The following TPRG1 variants were observed in gnomAD, a reference collection of about 807,000 sequenced individuals.
TPRG1 encodes tumor protein p63 regulated 1.
In TPRG1, 29 loss-of-function variants were observed where a neutral mutation model predicts 29.3. The observed-to-expected ratio is 0.99, with a 90% confidence interval of 0.74 to 1.35. TPRG1 has a LOEUF of 1.35. Among genes scored for constraint, TPRG1 ranks in the 40% most tolerant of loss-of-function variants. The pLI, the probability that TPRG1 is intolerant of heterozygous loss-of-function variation, is 0.00. For synonymous variants in TPRG1, 130 were observed against 116.8 expected (o/e 1.11, Z -0.73); for missense variants, 327 against 335.0 (o/e 0.98, Z 0.19).
intron 4 of TPRG1, among the ~76,000 whole-genome samples, chr3:189,044,277 G>A (rs1166230552): frequency 5.3e-5 from 8 of 152,186 alleles, no homozygotes; most frequent in East Asian, 3.9e-4. Flanking sequence ...AAATGTGGCC[G>A]GGTACGGTGG....
chr3:189,020,279 G>C (rs1713223490), intron 3 of TPRG1, among the ~76,000 whole-genome samples: 1 of 150,974 alleles, frequency 6.6e-6, no homozygotes, highest in South Asian at 2.1e-4. Context: ...GCTAGCTTTT[G>C]AATGTGTTTG....
intron 4 of TPRG1, among the ~76,000 whole-genome samples, chr3:189,242,438 T>C (rs1740761809): frequency 1.3e-5 from 2 of 152,200 alleles, no homozygotes; most frequent in Non-Finnish European, 2.9e-5. Context: ...TTTTCAAATA[T>C]TAAGTCAGTT....
rs550366182 is a variant in TPRG1 at position 189,184,419 on chromosome 3, A to G, written c.-10+12288A>G. On this transcript the variant is annotated intron_variant, in intron 1 of 5. Transcript: ENST00000345063. Reference sequence around the variant, plus strand: ...GAAACAACACTGATAGCATAACTCCATTGTTTAAGTAGAAAAATGATATTA... The same window carrying G: ...GAAACAACACTGATAGCATAACTCCGTTGTTTAAGTAGAAAAATGATATTA... Among the ~76,000 whole-genome samples the G allele has an allele frequency of 2.6e-5, 4 of 152,326 alleles. No homozygotes were observed. The South Asian group carries it at 8.3e-4, about 32-fold the overall frequency.
At position 189,243,420 on chromosome 3, in the gene TPRG1, A is replaced by AC. The variant is rs1437338500; in HGVS notation, c.479+4517dup. ...AGGCCTCAGGACCTGTGATGGGAGG[A>AC]CCCCCCAAGGAGGTCTCTAAAATGC... is the stretch of plus-strand genomic sequence containing the variant. On this transcript the variant is annotated intron_variant, in intron 4 of 5. Transcript: ENST00000345063. Among the ~76,000 whole-genome samples, 6 of 151,940 alleles carry AC rather than the reference A, an allele frequency of 3.9e-5. No individual in the cohort carries two copies. In the South Asian group the frequency reaches 8.4e-4, roughly 21 times the overall value.
chr3:189,060,481 T>C (rs1716030294), intron 4 of TPRG1, among the ~76,000 whole-genome samples: 1 of 152,032 alleles, frequency 6.6e-6, no homozygotes, highest in Non-Finnish European at 1.5e-5. Context: ...AGCATCCAAA[T>C]TGGAAGAGAG....
chr3:189,312,435 G>A (rs565826753), intron 5 of TPRG1, among the ~76,000 whole-genome samples: 27 of 124,068 alleles, frequency 2.2e-4, no homozygotes, highest in African/African-American at 6.6e-4. Context: ...ATCTGGTTCC[G>A]ACCATTAAAA....
chr3:189,108,059 C>G (rs183568039), intron 1 of TPRG1, among the ~76,000 whole-genome samples: 1 of 152,118 alleles, frequency 6.6e-6, no homozygotes, highest in Non-Finnish European at 1.5e-5. Context: ...ATGGGGAGGT[C>G]GCCACTTCAC....
At chr3:189,183,961 TAA>T (rs1002252571) in intron 1 of TPRG1, among the ~76,000 whole-genome samples, 2 of 151,452 alleles carry the variant, frequency 1.3e-5, no homozygotes, top group African/African-American at 4.9e-5. Context: ...GGGGAAGTGA[TAA>T]GTGTCCATGA....
intron 3 of TPRG1, among the ~76,000 whole-genome samples, chr3:189,233,908 T>A (rs1402093763): frequency 2.0e-5 from 3 of 152,196 alleles, no homozygotes; most frequent in Non-Finnish European, 2.9e-5. Context: ...TCTCATTTTG[T>A]ACCCCAGGCT....
rs1036090705 is a variant in TPRG1, at chr3:189,224,938, T to C, written c.302+9555T>C. Among the ~76,000 whole-genome samples the C allele has an allele frequency of 8.0e-4, 120 of 149,616 alleles. 3 individuals are homozygous for C. Among genetic ancestry groups the C allele is most frequent in the African/African-American group, 2.8e-3 (115 of 40,570 alleles). On this transcript the variant is annotated intron_variant, in intron 3 of 5. Transcript: ENST00000345063. ...AGGTGTCTCTTCCTTTTTCTTTTTT[T>C]TTTTTTTTTTTGAGACGGAGTCTCG...
chr3:189,170,447 G>A (rs776571353), upstream of TPRG1, among the ~76,000 whole-genome samples: 18 of 152,104 alleles, frequency 1.2e-4, no homozygotes, highest in Non-Finnish European at 2.5e-4. Flanking sequence ...ATCTAATGCC[G>A]CCTCCACCGC....
intron 3 of TPRG1, among the ~76,000 whole-genome samples, chr3:189,232,919 T>C (rs1030262351): frequency 6.6e-6 from 1 of 152,200 alleles, no homozygotes; most frequent in Non-Finnish European, 1.5e-5. Context: ...GCATTTTTCA[T>C]CTGTTTGTGT....
intron 4 of TPRG1, among the ~76,000 whole-genome samples, chr3:189,069,735 A>G (rs1716692044): frequency 6.6e-6 from 1 of 152,238 alleles, no homozygotes; most frequent in African/African-American, 2.4e-5. Flanking sequence ...ATCTAGAAAT[A>G]GCCTAGATGT....
At chr3:189,232,161 A>C (rs1738772202) in intron 3 of TPRG1, among the ~76,000 whole-genome samples, 1 of 152,132 alleles carries the variant, frequency 6.6e-6, no homozygotes, top group African/African-American at 2.4e-5. Context: ...AGTAGCTTTT[A>C]AGGGATACAT....
Position 189,080,294 on chromosome 3 carries a change from C to T in TPRG1, c.-462-46763C>T, listed in dbSNP as rs1717502570. On this transcript the variant is annotated intron_variant, in intron 4 of 10. Transcript: ENST00000433971. Reference sequence around the variant, plus strand: ...GAGAATAGTAAGGCAACCCAGAGAACAAAGACCACTCCTCAACTGGAGGGA... The same window carrying T: ...GAGAATAGTAAGGCAACCCAGAGAATAAAGACCACTCCTCAACTGGAGGGA... 2.6e-5 allele frequency among the ~76,000 whole-genome samples: 4 copies of T among 152,040 alleles called. No individual in the cohort carries two copies. In the South Asian group the frequency reaches 8.3e-4, roughly 32 times the overall value.
chr3:189,141,074 A>C (rs1488711380), intron 3 of TPRG1, among the ~76,000 whole-genome samples: 1 of 152,232 alleles, frequency 6.6e-6, no homozygotes, highest in African/African-American at 2.4e-5. Flanking sequence ...AACAAATAGC[A>C]GTTTTCAGCA....
chr3:189,150,469 C>T (rs1000086935), intron 4 of TPRG1, among the ~76,000 whole-genome samples: 2 of 152,178 alleles, frequency 1.3e-5, no homozygotes, highest in South Asian at 4.1e-4. Context: ...GCATGAGCCA[C>T]CGCGCCGAGA....
chr3:189,017,930 T>C (rs1345070479), intron 3 of TPRG1, among the ~76,000 whole-genome samples: 2 of 151,366 alleles, frequency 1.3e-5, no homozygotes, highest in African/African-American at 4.8e-5. Context: ...TTCTAACTGG[T>C]GTGAGATGGT....
intron 1 of TPRG1, among the ~76,000 whole-genome samples, chr3:189,114,286 T>A (rs895598284): frequency 4.6e-5 from 7 of 152,022 alleles, no homozygotes; most frequent in Non-Finnish European, 8.8e-5. Flanking sequence ...TTTGTTTGTT[T>A]GTTTGTTTGT....
Sources: allele counts gnomAD v4.1 joint callset (sites outside exome capture counted in the v4.1 genomes callset), GRCh38; gene constraint gnomAD v4.1.1; transcripts MANE v1.5; gene names NCBI Gene and HGNC (gene_info 2026-07-23, HGNC 2026-07-21).